Variants in ADAMTSL1 observed in about 807,000 individuals in gnomAD.
ADAMTSL1 encodes the protein ADAMTS-like protein 1.
ADAMTSL1 carries 126 observed loss-of-function variants against 201.8 expected under a neutral mutation model. That is an observed-to-expected ratio of 0.62 (90% CI 0.54 to 0.72). The LOEUF (loss-of-function observed/expected upper bound fraction) is 0.72. ADAMTSL1 is among the 30% of genes least tolerant of loss of function. ADAMTSL1 has a pLI of 0.00. For synonymous variants in ADAMTSL1, 1,121 were observed against 903.4 expected, an observed-to-expected ratio of 1.24 and a Z score of -4.32; for missense variants, 2,679 against 2,277.8, an observed-to-expected ratio of 1.18 and a Z score of -3.59.
chr9:18,047,311 A>G (rs183776247), intron 1 of ADAMTSL1, among the ~76,000 whole-genome samples: 48 of 152,292 alleles, frequency 3.2e-4, no homozygotes, highest in Admixed American at 1.2e-3. Context: ...CCCAGGGAAC[A>G]TTTGGCAATG....
intron 13 of ADAMTSL1, among the ~76,000 whole-genome samples, chr9:18,692,797 C>A (rs1331608003): frequency 1.3e-5 from 2 of 152,156 alleles, no homozygotes; most frequent in East Asian, 1.9e-4. Flanking sequence ...AAGCTGAGAA[C>A]TACAAATGCA....
At chr9:18,884,387 G>GA (rs1828723963) in intron 23 of ADAMTSL1, among the ~76,000 whole-genome samples, 2 of 152,004 alleles carry the variant, frequency 1.3e-5, no homozygotes, top group Non-Finnish European at 2.9e-5. Context: ...CTCACTTGAT[G>GA]GTGTCTTATG....
chr9:18,561,709 G>A (rs1289642651), intron 3 of ADAMTSL1, among the ~76,000 whole-genome samples: 1 of 152,174 alleles, frequency 6.6e-6, no homozygotes, highest in Non-Finnish European at 1.5e-5. Context: ...TGGTGCTCCT[G>A]AATTGGGTGC....
At chr9:18,891,712 C>T (rs1173888624) in intron 25 of ADAMTSL1, among the ~76,000 whole-genome samples, 2 of 152,190 alleles carry the variant, frequency 1.3e-5, no homozygotes, top group African/African-American at 4.8e-5. Flanking sequence ...CCAAAATGTG[C>T]AGCAGGAAGT....
Position 18,647,898 on chromosome 9 carries a change from T to G in ADAMTSL1, c.834+8487T>G, listed in dbSNP as rs1472108609. On this transcript the variant is annotated intron_variant, in intron 7 of 28. Transcript: ENST00000380548. ...GGTGGAGAGTTCTGTAGATGTCTAT[T>G]AGGTCCGCTTGGTGCAGAGCTGAGT... Among the ~76,000 whole-genome samples, 5 of 151,006 alleles carry G rather than the reference T, an allele frequency of 3.3e-5. No homozygotes were observed. The East Asian group carries it at 9.7e-4, about 29-fold the overall frequency.
intron 2 of ADAMTSL1, among the ~76,000 whole-genome samples, chr9:18,247,980 C>T (rs1174055031): frequency 6.6e-6 from 1 of 152,050 alleles, no homozygotes; most frequent in Admixed American, 6.5e-5. Context: ...TTTTCCTTTT[C>T]CACGGACTGG....
At chr9:18,327,985 C>G (rs1225990428) in intron 2 of ADAMTSL1, among the ~76,000 whole-genome samples, 1 of 152,002 alleles carries the variant, frequency 6.6e-6, no homozygotes, top group Admixed American at 6.6e-5. Context: ...AACATATACT[C>G]TATTGTAAGA....
rs141722594 is a variant in ADAMTSL1, at chr9:18,215,142, T to C, written c.207+51161T>C. On this transcript the variant is annotated intron_variant, in intron 2 of 29. Coordinates refer to the ADAMTSL1 transcript ENST00000680146. ...GTTACATTTTGTATAGCCAATATAG[T>C]TTATCATTTATGATTATGTTATATT... 3.5e-3 allele frequency among the ~76,000 whole-genome samples: 535 copies of C among 152,280 alleles called. 2 individuals are homozygous for C. Among genetic ancestry groups the C allele is most frequent in the African/African-American group, 0.012 (507 of 41,562 alleles).
rs373266961 is a variant in ADAMTSL1, at chr9:18,826,375, C to T, written c.4026C>T (p.Asn1342=). The stretch of plus-strand genomic sequence containing the variant: ...ACGAAGGCTCCTTGCTGCTCACAAA[C>T]GTGTCCTCCTCGGATCAGGGCCTGT... ...HLHEGSLLLT[N]VSSSDQGLYS... is the part of the protein sequence containing the mutation. The change falls in exon 22 of 29, where the codon AAC becomes AAT. Residue 1342 remains asparagine (N), a synonymous_variant. Coordinates refer to ENST00000380548, the MANE Select transcript of ADAMTSL1 (RefSeq NM_001040272.6). The T allele has an allele frequency of 1.7e-5, 28 of 1,613,664 alleles. No individual in the cohort carries two copies. The highest frequency in any genetic ancestry group is 3.3e-5 in the Admixed American group (2 of 59,984).
At chr9:18,891,489 C>A (rs934480) in intron 25 of ADAMTSL1, among the ~76,000 whole-genome samples, 20,118 of 152,228 alleles carry the variant, frequency 0.13, 1,443 homozygotes, top group Middle Eastern at 0.27. Context: ...GAATCCCTGC[C>A]TGTTTGTATA....
chr9:18,296,620 A>T (rs995227014), intron 2 of ADAMTSL1, among the ~76,000 whole-genome samples: 5 of 152,330 alleles, frequency 3.3e-5, no homozygotes, highest in East Asian at 1.9e-4. Context: ...TTTTCAAAAT[A>T]AAAAGAAAAA....
intron 2 of ADAMTSL1, among the ~76,000 whole-genome samples, chr9:18,302,614 G>C (rs1005965499): frequency 1.3e-5 from 2 of 152,176 alleles, no homozygotes; most frequent in Non-Finnish European, 2.9e-5. Flanking sequence ...CACACTGGTT[G>C]ATTTTAATAT....
chr9:18,179,676 C>G (rs1304336631), intron 2 of ADAMTSL1, among the ~76,000 whole-genome samples: 3 of 152,158 alleles, frequency 2.0e-5, no homozygotes, highest in African/African-American at 4.8e-5. Flanking sequence ...CAGCGGATCT[C>G]TCGGCAGAAA....
chr9:18,668,163 C>A (rs1454114263), intron 9 of ADAMTSL1, among the ~76,000 whole-genome samples: 1 of 152,122 alleles, frequency 6.6e-6, no homozygotes, highest in African/African-American at 2.4e-5. Context: ...AGAAAAGTAA[C>A]AACTTCTTAC....
At chr9:18,560,791 A>T (rs1420299731) in intron 3 of ADAMTSL1, among the ~76,000 whole-genome samples, 1 of 151,722 alleles carries the variant, frequency 6.6e-6, no homozygotes, top group Non-Finnish European at 1.5e-5. Context: ...GTTTATTTGC[A>T]TACAGGTGTT....
chr9:18,650,407 A>C (rs763051656), intron 7 of ADAMTSL1, among the ~76,000 whole-genome samples: 1 of 151,632 alleles, frequency 6.6e-6, no homozygotes, highest in Non-Finnish European at 1.5e-5. Flanking sequence ...ACTGACCTGC[A>C]CCCACTGTCT....
At chr9:18,440,039 T>A (rs1819928249) in intron 2 of ADAMTSL1, among the ~76,000 whole-genome samples, 1 of 152,224 alleles carries the variant, frequency 6.6e-6, no homozygotes, top group Non-Finnish European at 1.5e-5. Flanking sequence ...TGAGATATGC[T>A]CACTGTGGTG....
chr9:18,799,990 A>C (rs764639303), intron 20 of ADAMTSL1, among the ~76,000 whole-genome samples: 13 of 152,190 alleles, frequency 8.5e-5, no homozygotes, highest in Non-Finnish European at 1.6e-4. Flanking sequence ...TTAACAAAGG[A>C]GAGTTTTGCT....
chr9:18,030,208 T>C (rs905894602), intron 1 of ADAMTSL1, among the ~76,000 whole-genome samples: 28 of 152,220 alleles, frequency 1.8e-4, no homozygotes, highest in African/African-American at 6.5e-4. Flanking sequence ...CATGGAATAC[T>C]ATGCAGCCAT....
Sources: gnomAD v4.1 joint callset for allele counts (sites outside exome capture counted in the v4.1 genomes callset) on GRCh38, gnomAD v4.1.1 for gene constraint, MANE v1.5 for transcripts, NCBI Gene and HGNC (gene_info 2026-07-23, HGNC 2026-07-21) for gene names.